The following DTNB variants were observed in gnomAD, a reference collection of about 807,000 sequenced individuals.
The protein encoded by DTNB is dystrobrevin beta, also known as DTN-B.
Under a neutral mutation model 90.7 loss-of-function variants are expected in DTNB, and 63 were observed. That is an observed-to-expected ratio of 0.69 (90% CI 0.57 to 0.86). DTNB has a LOEUF of 0.86. Ranked by LOEUF, DTNB falls within the 40% of genes least tolerant of loss-of-function variation. The pLI is 0.00. For missense variants in DTNB, 744 were observed against 807.1 expected (o/e 0.92, Z 0.95); for synonymous variants, 277 against 286.7 (o/e 0.97, Z 0.34).
At chr2:25,563,927 G>A (rs1464482819) in intron 8 of DTNB, among the ~76,000 whole-genome samples, 1 of 151,658 alleles carries the variant, frequency 6.6e-6, no homozygotes, top group Non-Finnish European at 1.5e-5. Context: ...GTCTCACTCT[G>A]TCGCCCAGGC....
At chr2:25,458,433 G>A (rs1394118645) in intron 10 of DTNB, among the ~76,000 whole-genome samples, 1 of 151,686 alleles carries the variant, frequency 6.6e-6, no homozygotes, top group Non-Finnish European at 1.5e-5. Flanking sequence ...AAGAGAGAGA[G>A]AAATCAACAG....
intron 12 of DTNB, among the ~76,000 whole-genome samples, chr2:25,437,230 T>C (rs1043811561): frequency 7.5e-4 from 114 of 152,094 alleles, no homozygotes; most frequent in African/African-American, 2.7e-3. Context: ...CAAGTATACA[T>C]CAAATAACAG....
chr2:25,453,106 G>A lies in DTNB; in HGVS notation c.1170-1471C>T, dbSNP rs749860189. On this transcript the variant is annotated intron_variant, in intron 11 of 20. Transcript: ENST00000406818. ...AGTGGATCATATTATGGAGGGATTG[G>A]TAGCCGAAGAAGTGGGGCCTAAAGT... Among the ~76,000 whole-genome samples, 33 of 152,254 alleles carry A rather than the reference G, an allele frequency of 2.2e-4. No homozygotes were observed. The Middle Eastern group carries it at 0.014, about 63-fold the overall frequency.
rs1214622558 is a variant in DTNB at position 25,452,405 on chromosome 2, T to TTATCAAGACAGTCCTAGATTAA, written c.1170-792_1170-771dup. Among the ~76,000 whole-genome samples the TTATCAAGACAGTCCTAGATTAA allele has an allele frequency of 2.0e-5, 3 of 152,214 alleles. No homozygotes were observed. In the East Asian group the frequency reaches 5.8e-4, roughly 29 times the overall value. ...TTAGTATACCAAATGCTATTTATCC[T>TTATCAAGACAGTCCTAGATTAA]TATCAAGACAGTCCTAGATTAATAG... On this transcript the variant is annotated intron_variant, in intron 11 of 20. Coordinates refer to ENST00000406818, the MANE Select transcript of DTNB (RefSeq NM_021907.5).
At chr2:25,454,228 T>C (rs57715152) in intron 11 of DTNB, among the ~76,000 whole-genome samples, 2,075 of 152,220 alleles carry the variant, frequency 0.014, 51 homozygotes, top group African/African-American at 0.047. Context: ...AGTGATGCTA[T>C]TTAGTCATAT....
chr2:25,514,461 G>C (rs1416515497), intron 9 of DTNB, among the ~76,000 whole-genome samples: 4 of 152,040 alleles, frequency 2.6e-5, no homozygotes, highest in Non-Finnish European at 4.4e-5. Flanking sequence ...TTAAGTGTAA[G>C]GGGAAGTCAC....
chr2:25,459,639 G>A (rs577447400), intron 10 of DTNB, among the ~76,000 whole-genome samples: 9 of 152,124 alleles, frequency 5.9e-5, no homozygotes, highest in Admixed American at 2.0e-4. Context: ...GATTACAGGC[G>A]TGTACCACCA....
At chr2:25,577,252 T>C (rs1271079141) in intron 7 of DTNB, among the ~76,000 whole-genome samples, 4 of 152,030 alleles carry the variant, frequency 2.6e-5, no homozygotes, top group Non-Finnish European at 4.4e-5. Context: ...CTGGACAACA[T>C]GGCAAAACCC....
chr2:25,460,007 A>G (rs1165720490), intron 10 of DTNB, among the ~76,000 whole-genome samples: 1 of 152,194 alleles, frequency 6.6e-6, no homozygotes, highest in East Asian at 1.9e-4. Context: ...GGGAAGATGC[A>G]GTCAATTAGA....
In DTNB at chr2:25,580,878, A is replaced by C. The variant is rs747510452; in HGVS notation, c.604-52T>G. On this transcript the variant is annotated intron_variant, in intron 6 of 20. Transcript: ENST00000406818. ...CTTTAAGTTTTTTAGGAATCTCCAA[A>C]CTCCAAGTTTAATTTAGGATTTTTC... is the stretch of plus-strand genomic sequence containing the variant. 2.2e-4 allele frequency: 332 copies of C among 1,491,130 alleles called. 1 individual carries two copies. The highest frequency in any genetic ancestry group is 2.8e-4 in the Non-Finnish European group (300 of 1,090,214). The allele number at this position is 1,491,130 out of a possible 1,614,324, so 92.4% of individuals were successfully genotyped here.
At chr2:25,431,660 C>T (rs183170246) in intron 14 of DTNB, among the ~76,000 whole-genome samples, 69 of 152,324 alleles carry the variant, frequency 4.5e-4, no homozygotes, top group Middle Eastern at 3.4e-3. Flanking sequence ...TTTCAGCAAT[C>T]CAGTTTCAGC....
chr2:25,576,361 G>C (rs535793136), intron 8 of DTNB, among the ~76,000 whole-genome samples: 57 of 151,814 alleles, frequency 3.8e-4, no homozygotes, highest in African/African-American at 1.4e-3. Flanking sequence ...GAGTAGCTGG[G>C]ACTACAGGTG....
intron 1 of DTNB, among the ~76,000 whole-genome samples, chr2:25,668,585 A>C (rs1239712175): frequency 1.3e-5 from 2 of 152,284 alleles, no homozygotes; most frequent in Non-Finnish European, 2.9e-5. Context: ...CAATGTATCA[A>C]TATTAGTTTA....
chr2:25,569,155 G>C (rs2059461763), intron 8 of DTNB, among the ~76,000 whole-genome samples: 1 of 152,076 alleles, frequency 6.6e-6, no homozygotes, highest in African/African-American at 2.4e-5. Context: ...CTCCAACCCT[G>C]GTATTTCAGT....
chr2:25,466,235 C>T (rs1386795828), intron 10 of DTNB, among the ~76,000 whole-genome samples: 2 of 152,178 alleles, frequency 1.3e-5, no homozygotes, highest in African/African-American at 4.8e-5. Flanking sequence ...ACTTGGGAAG[C>T]TGAGGCAGAG....
intron 1 of DTNB, among the ~76,000 whole-genome samples, chr2:25,665,637 AAGTT>A (rs2084253573): frequency 6.6e-6 from 1 of 152,118 alleles, no homozygotes; most frequent in Non-Finnish European, 1.5e-5. Flanking sequence ...AAAAAAAAAA[AAGTT>A]AGTGATGACT....
Position 25,419,528 on chromosome 2 carries a change from T to G in DTNB, c.1562A>C (p.Glu521Ala), listed in dbSNP as rs1158629586. 6.4e-7 allele frequency: 1 copy of G among 1,557,656 alleles called. No individual in the cohort carries two copies. The highest frequency in any genetic ancestry group is 8.7e-7 in the Non-Finnish European group (1 of 1,150,422). The stretch of plus-strand genomic sequence containing the variant: ...AAGTTCACTTACTGCCTGCTTTTGC[T>G]CTTCCTCCTGGAGTGTTGAAGATGA... ...EELMKLLKEE[E>A]QKQAAQATGS... The change falls in exon 16 of 21, where the codon GAG becomes GCG. Residue 521 changes from glutamate (E) to alanine (A), a missense_variant. By Grantham distance (107) the Glu-to-Ala change is moderately radical. Coordinates refer to ENST00000406818, the MANE Select transcript of DTNB (RefSeq NM_021907.5).
chr2:25,468,668 T>C (rs2062234445), intron 10 of DTNB, among the ~76,000 whole-genome samples: 1 of 152,194 alleles, frequency 6.6e-6, no homozygotes, highest in African/African-American at 2.4e-5. Context: ...CTGCTAGACA[T>C]GAACACTAGA....
At chr2:25,419,479 G>A in intron 16 of DTNB, 36 bp downstream of exon 16, 6 of 1,556,778 alleles carry the variant, frequency 3.9e-6, no homozygotes, top group Non-Finnish European at 3.5e-6. Flanking sequence ...GTGCAAAGGA[G>A]CGAGAGTCCG....
Sources: gnomAD v4.1 joint callset for allele counts (sites outside exome capture counted in the v4.1 genomes callset) on GRCh38, gnomAD v4.1.1 for gene constraint, MANE v1.5 for transcripts, NCBI Gene and HGNC (gene_info 2026-07-23, HGNC 2026-07-21) for gene names.